The following RBFOX1 variants were observed in gnomAD, a reference collection of about 807,000 sequenced individuals.
RBFOX1 encodes RNA binding protein fox-1 homolog 1.
Under a neutral mutation model 57.7 loss-of-function variants are expected in RBFOX1, and 8 were observed. The observed-to-expected ratio is 0.14, with a 90% CI of 0.08 to 0.25. The LOEUF is 0.25. Among genes scored for constraint, RBFOX1 ranks in the 10% least tolerant of loss-of-function variants. RBFOX1 has a pLI of 1.00. For synonymous variants in RBFOX1, 326 were observed against 222.4 expected (o/e 1.47, Z -4.15); for missense variants, 611 against 548.5 (o/e 1.11, Z -1.14).
intron 1 of RBFOX1, among the ~76,000 whole-genome samples, chr16:6,149,208 TATGTGTGTGTGTGCGCGCGCGTGCGCGG>T (rs2152720115): frequency 6.6e-6 from 1 of 152,354 alleles, no homozygotes; most frequent in African/African-American, 2.4e-5. Flanking sequence ...TTTGTGTGTG[TATGTGTGTGTGTGCGCGCGCGTGCGCGG>T]ATGTGTGTGG....
At position 6,364,118 on chromosome 16, in the gene RBFOX1, C is replaced by G. The variant is rs1239170885; in HGVS notation, c.-64+47061C>G. ...GCCTACCCCTCTTGGATCCTTATGC[C>G]ACAACGTCTGTTCCCTGCTGTACTG... On this transcript the variant is annotated intron_variant, in intron 2 of 15. Coordinates refer to ENST00000550418, the MANE Select transcript of RBFOX1 (RefSeq NM_018723.4). Among the ~76,000 whole-genome samples the G allele has an allele frequency of 5.3e-5, 8 of 152,302 alleles. No individual in the cohort carries two copies. In the South Asian group the frequency reaches 1.2e-3, roughly 24 times the overall value.
intron 3 of RBFOX1, among the ~76,000 whole-genome samples, chr16:5,734,550 G>A (rs2052503363): frequency 6.6e-6 from 1 of 152,214 alleles, no homozygotes; most frequent in Non-Finnish European, 1.5e-5. Flanking sequence ...CTTGGTAGAG[G>A]AAATGAGGCA....
rs1555443864 is a variant in RBFOX1 at position 5,908,204 on chromosome 16, A to ACACATATATATACATATATACG, written c.351+40890_351+40891insGCACATATATATACATATATAC. ...CATATATACACATATATACATATAC[A>ACACATATATATACATATATACG]CACATATATATACATATATACACAC... is the stretch of plus-strand genomic sequence containing the variant. On this transcript the variant is annotated intron_variant, in intron 4 of 19. Coordinates refer to the RBFOX1 transcript ENST00000641259. 3.1e-3 allele frequency among the ~76,000 whole-genome samples: 376 copies of ACACATATATATACATATATACG among 120,252 alleles called. 1 individual carries two copies. The highest frequency in any genetic ancestry group is 3.5e-3 in the African/African-American group (116 of 33,212). 78.9% of individuals were successfully genotyped at this position (120,252 alleles called of 152,430 possible).
intron 3 of RBFOX1, among the ~76,000 whole-genome samples, chr16:6,672,481 A>T (rs1334817445): frequency 3.3e-5 from 5 of 151,928 alleles, no homozygotes; most frequent in African/African-American, 1.2e-4. Context: ...GAAAGAAAAA[A>T]GAAAAAGGGA....
In RBFOX1 at chr16:6,278,935, T is replaced by G. The variant is rs112961295; in HGVS notation, c.-126-38060T>G. Among the ~76,000 whole-genome samples the G allele has an allele frequency of 7.6e-3, 1,152 of 152,320 alleles. 16 individuals carry two copies. The highest frequency in any genetic ancestry group is 0.025 in the African/African-American group (1,057 of 41,570). ...ATCACCAAGAAGGTTGAGATATGTC[T>G]AACCCGTTATGTGAGTTTGAAACAA... On this transcript the variant is annotated intron_variant, in intron 1 of 15. Coordinates refer to ENST00000550418, the MANE Select transcript of RBFOX1 (RefSeq NM_018723.4).
intron 4 of RBFOX1, among the ~76,000 whole-genome samples, chr16:7,212,102 A>T (rs1462345426): frequency 6.6e-6 from 1 of 152,136 alleles, no homozygotes; most frequent in African/African-American, 2.4e-5. Context: ...CAGCGGTCAA[A>T]AGAGAATCAT....
chr16:6,526,829 C>CAAAAAAAAAAAAAAAAA (rs541468859), intron 2 of RBFOX1, among the ~76,000 whole-genome samples: 20 of 32,888 alleles, frequency 6.1e-4, no homozygotes, highest in African/African-American at 2.2e-3. Context: ...GACTCTGTCT[C>CAAAAAAAAAAAAAAAAA]AAAAAAAAAA....
chr16:7,424,024 T>A (rs2098577941), intron 4 of RBFOX1, among the ~76,000 whole-genome samples: 1 of 152,188 alleles, frequency 6.6e-6, no homozygotes, highest in Non-Finnish European at 1.5e-5. Flanking sequence ...TCTGTCTATT[T>A]ATATAACTTA....
intron 4 of RBFOX1, among the ~76,000 whole-genome samples, chr16:7,118,379 C>G (rs2066380634): frequency 6.6e-6 from 1 of 151,964 alleles, no homozygotes; most frequent in African/African-American, 2.4e-5. Flanking sequence ...CATTTGTTGG[C>G]TATTCTCATC....
intron 4 of RBFOX1, among the ~76,000 whole-genome samples, chr16:7,182,050 A>T (rs993803390): frequency 5.9e-5 from 9 of 152,246 alleles, no homozygotes; most frequent in African/African-American, 2.2e-4. Context: ...AAAGATAATA[A>T]TCTTCACTGA....
chr16:5,639,479 C>G (rs752811421), intron 3 of RBFOX1, among the ~76,000 whole-genome samples: 1 of 152,176 alleles, frequency 6.6e-6, no homozygotes, highest in South Asian at 2.1e-4. Flanking sequence ...GAGAAGGCCT[C>G]GGAACACTGG....
chr16:7,152,212 C>G (rs1438398924), intron 4 of RBFOX1, among the ~76,000 whole-genome samples: 1 of 152,146 alleles, frequency 6.6e-6, no homozygotes, highest in Non-Finnish European at 1.5e-5. Context: ...GATTTCCAGT[C>G]TATACCATGC....
At chr16:6,303,133 G>T (rs1312369603) in intron 1 of RBFOX1, among the ~76,000 whole-genome samples, 1 of 152,140 alleles carries the variant, frequency 6.6e-6, no homozygotes, top group Non-Finnish European at 1.5e-5. Flanking sequence ...AGACCAGCTT[G>T]AATTTTCATT....
intron 1 of RBFOX1, among the ~76,000 whole-genome samples, chr16:6,293,590 G>T (rs905440890): frequency 1.3e-5 from 2 of 152,128 alleles, no homozygotes; most frequent in African/African-American, 4.8e-5. Context: ...CATCTGTGAG[G>T]TAGATGATTA....
At chr16:6,391,856 T>A (rs2092618906) in intron 2 of RBFOX1, among the ~76,000 whole-genome samples, 4 of 152,184 alleles carry the variant, frequency 2.6e-5, no homozygotes, top group Admixed American at 2.6e-4. Context: ...AACAAACATA[T>A]ATATTGCACT....
chr16:6,146,826 C>T lies in RBFOX1; in HGVS notation c.-127+126834C>T, dbSNP rs868148310. 2.4e-4 allele frequency among the ~76,000 whole-genome samples: 37 copies of T among 152,200 alleles called. 1 individual carries two copies. Among genetic ancestry groups the T allele is most frequent in the Admixed American group, 1.5e-3 (23 of 15,296 alleles). On this transcript the variant is annotated intron_variant, in intron 1 of 15. Transcript: ENST00000550418. ...AAGTACTGTTTTGAGCTTTAAGTGG[C>T]GATTCAAGCTCCACCTCGTTGCAGA...
intron 1 of RBFOX1, among the ~76,000 whole-genome samples, chr16:5,337,692 G>C (rs2064932504): frequency 6.6e-6 from 1 of 152,242 alleles, no homozygotes; most frequent in African/African-American, 2.4e-5. Context: ...TGGAAGAGGT[G>C]AATCCTCATT....
chr16:5,414,486 C>T (rs540771704), intron 1 of RBFOX1, among the ~76,000 whole-genome samples: 1 of 152,152 alleles, frequency 6.6e-6, no homozygotes, highest in African/African-American at 2.4e-5. Flanking sequence ...TGCTATGAGC[C>T]TCTGCCTGTG....
At chr16:7,616,830 C>T (rs1053510060) in intron 10 of RBFOX1, among the ~76,000 whole-genome samples, 3 of 151,888 alleles carry the variant, frequency 2.0e-5, no homozygotes, top group Non-Finnish European at 2.9e-5. Flanking sequence ...CCATGGCTGG[C>T]GCAAAAATAG....
Sources: allele counts gnomAD v4.1 joint callset (sites outside exome capture counted in the v4.1 genomes callset), GRCh38; gene constraint gnomAD v4.1.1; transcripts MANE v1.5; gene names NCBI Gene and HGNC (gene_info 2026-07-23, HGNC 2026-07-21).